The following AKT3 variants were observed in gnomAD, a reference collection of about 807,000 sequenced individuals.
The protein encoded by AKT3 is AKT serine/threonine kinase 3.
In AKT3, 15 loss-of-function variants were observed where a neutral mutation model predicts 65.3. The ratio of observed to expected loss-of-function variants is 0.23; its 90% CI spans 0.15 to 0.35. The LOEUF is 0.35. AKT3 is among the 10% of genes least tolerant of loss of function. AKT3 has a pLI of 1.00. For missense variants in AKT3, 243 were observed against 576.5 expected (o/e 0.42, Z 5.92); for synonymous variants, 206 against 183.8 (o/e 1.12, Z -0.98).
chr1:243,666,104 A>G (rs1443097164), intron 3 of AKT3, among the ~76,000 whole-genome samples: 1 of 152,088 alleles, frequency 6.6e-6, no homozygotes, highest in Admixed American at 6.5e-5. Flanking sequence ...GCTGGGTTCA[A>G]GTGATTGTCA....
chr1:243,788,908 T>C (rs1450614393), intron 2 of AKT3: 1 of 153,228 alleles, frequency 6.5e-6, no homozygotes, highest in African/African-American at 2.4e-5. Context: ...ATACTATTTA[T>C]CCACAGTAAA....
chr1:243,645,926 C>T lies in AKT3; in HGVS notation c.396G>A (p.Glu132=), dbSNP rs1572092065. The change falls in exon 5 of 14, where the codon GAG becomes GAA. Residue 132 remains glutamate, a synonymous_variant. Coordinates refer to ENST00000673466, the MANE Select transcript of AKT3 (RefSeq NM_005465.7). ...TATGATGGGTTGTAGAGGCATCCATCTCTTCCTCTCCTATATTATCAATTT... is the reference window on the plus strand; with the variant it reads ...TATGATGGGTTGTAGAGGCATCCATTTCTTCCTCTCCTATATTATCAATTT... The part of the protein sequence containing the change: ...TSQIDNIGEE[E]MDASTTHHKR... The T allele has an allele frequency of 6.2e-7, 1 of 1,611,664 alleles. No homozygotes were observed.
chr1:243,490,662 G>T (rs1040176457), intron 13 of AKT3, among the ~76,000 whole-genome samples: 1 of 152,256 alleles, frequency 6.6e-6, no homozygotes, highest in African/African-American at 2.4e-5. Context: ...CAGGCGGGAT[G>T]CCCCACGGGC....
intron 2 of AKT3, among the ~76,000 whole-genome samples, chr1:243,748,297 A>G (rs1688600323): frequency 6.6e-6 from 1 of 152,136 alleles, no homozygotes; most frequent in Admixed American, 6.5e-5. Context: ...CTTTATTTCA[A>G]CATGAAGATA....
intron 8 of AKT3, among the ~76,000 whole-genome samples, chr1:243,584,189 A>C (rs886525352): frequency 1.3e-5 from 2 of 152,070 alleles, no homozygotes. Context: ...CTATGTGTCT[A>C]TACATACAAA....
intron 2 of AKT3, among the ~76,000 whole-genome samples, chr1:243,761,396 C>T (rs963413171): frequency 6.6e-6 from 1 of 152,016 alleles, no homozygotes; most frequent in African/African-American, 2.4e-5. Flanking sequence ...AGAAAATAAA[C>T]CCTGACCTAG....
intron 13 of AKT3, among the ~76,000 whole-genome samples, chr1:243,510,888 A>G (rs1669969435): frequency 1.3e-5 from 2 of 152,280 alleles, no homozygotes; most frequent in Admixed American, 6.5e-5. Flanking sequence ...GGAACTGCCC[A>G]TGGGCCGATC....
chr1:243,717,421 T>C (rs1195578419), intron 2 of AKT3, among the ~76,000 whole-genome samples: 1 of 152,150 alleles, frequency 6.6e-6, no homozygotes, highest in Non-Finnish European at 1.5e-5. Flanking sequence ...CCAATGGTCA[T>C]TGTCAGAGAT....
At chr1:243,608,580 T>C (rs1677612561) in intron 8 of AKT3, among the ~76,000 whole-genome samples, 1 of 152,086 alleles carries the variant, frequency 6.6e-6, no homozygotes, top group Admixed American at 6.5e-5. Context: ...CTCAAGTCCT[T>C]AGATGCCATA....
At position 243,787,856 on chromosome 1, in the gene AKT3, C is replaced by T. The variant is rs150797575; in HGVS notation, c.46+55269G>A. On this transcript the variant is annotated intron_variant, in intron 2 of 13. Coordinates refer to ENST00000673466, the MANE Select transcript of AKT3 (RefSeq NM_005465.7). Reference sequence around the variant, plus strand: ...CACAGCTACTGTCCTAGGTGTTCCTCCCACTCCTCTCCTACATTAATCTTC... The same window carrying T: ...CACAGCTACTGTCCTAGGTGTTCCTTCCACTCCTCTCCTACATTAATCTTC... Among the ~76,000 whole-genome samples, 229 of 152,206 alleles carry T rather than the reference C, an allele frequency of 1.5e-3. 1 individual carries two copies. Among genetic ancestry groups the T allele is most frequent in the African/African-American group, 5.3e-3 (221 of 41,520 alleles).
chr1:243,594,219 C>A (rs760590471), intron 8 of AKT3, among the ~76,000 whole-genome samples: 1 of 152,030 alleles, frequency 6.6e-6, no homozygotes, highest in East Asian at 1.9e-4. Flanking sequence ...ATTATACAAA[C>A]CTATACACTA....
chr1:243,755,692 A>C (rs1689091807), intron 2 of AKT3, among the ~76,000 whole-genome samples: 1 of 152,254 alleles, frequency 6.6e-6, no homozygotes, highest in African/African-American at 2.4e-5. Flanking sequence ...TAAGTTTAGA[A>C]AATAGCAAAT....
intron 2 of AKT3, among the ~76,000 whole-genome samples, chr1:243,701,817 C>T (rs374418951): frequency 4.6e-5 from 7 of 152,034 alleles, no homozygotes; most frequent in South Asian, 2.1e-4. Flanking sequence ...ATAAGGAAGA[C>T]GGTGGGAGCA....
chr1:243,543,247 T>C (rs1309120866), intron 12 of AKT3, among the ~76,000 whole-genome samples: 1 of 152,156 alleles, frequency 6.6e-6, no homozygotes, highest in African/African-American at 2.4e-5. Context: ...GCTTCCTTAC[T>C]GGTATACTGG....
intron 12 of AKT3, among the ~76,000 whole-genome samples, chr1:243,541,396 C>A (rs1367750338): frequency 6.6e-6 from 1 of 151,570 alleles, no homozygotes; most frequent in East Asian, 1.9e-4. Context: ...GCTACAGGAC[C>A]CTTCAGCTTG....
rs181974431 is a variant in AKT3, at chr1:243,584,607, C to T, written c.697-11559G>A. ...TAATTCACCATGATCAAGTAGGCATCATTCCTGGGATGCAAGGGTGGTTCA... is the reference window on the plus strand; with the variant it reads ...TAATTCACCATGATCAAGTAGGCATTATTCCTGGGATGCAAGGGTGGTTCA... On this transcript the variant is annotated intron_variant, in intron 8 of 13. Transcript: ENST00000673466. Among the ~76,000 whole-genome samples, 337 of 152,270 alleles carry T rather than the reference C, an allele frequency of 2.2e-3. 3 individuals carry two copies. Among genetic ancestry groups the T allele is most frequent in the African/African-American group, 7.7e-3 (321 of 41,570 alleles).
chr1:243,774,901 C>T (rs1285446407), intron 2 of AKT3, among the ~76,000 whole-genome samples: 2 of 152,172 alleles, frequency 1.3e-5, no homozygotes, highest in African/African-American at 4.8e-5. Context: ...CTTGCTCTGT[C>T]ACCCAGGCTG....
At chr1:243,493,865 C>T (rs560256244) in intron 13 of AKT3, among the ~76,000 whole-genome samples, 1 of 151,658 alleles carries the variant, frequency 6.6e-6, no homozygotes, top group African/African-American at 2.4e-5. Context: ...GGAGGAAAGG[C>T]CCATTGCAAC....
In AKT3 at chr1:243,499,858, C is replaced by T; in HGVS notation, c.*5391G>A. 1.4e-6 allele frequency: 2 copies of T among 1,399,026 alleles called. No homozygotes were observed. The highest frequency in any genetic ancestry group is 3.4e-5 in the Admixed American group (2 of 58,792). The allele number at this position is 1,399,026 out of a possible 1,614,324, so 86.7% of individuals were successfully genotyped here. A position where few individuals can be genotyped will look rare whatever the true frequency, so the allele number is the denominator to read the frequency against. ...ATTCATCTGGTTTAGACTTAATATG[C>T]CACAACGCACCACGACCTTCCCAGG... On this transcript the variant is annotated 3_prime_UTR_variant, in exon 14 of 14. Coordinates refer to ENST00000673466, the MANE Select transcript of AKT3 (RefSeq NM_005465.7).
Sources: gnomAD v4.1 joint callset for allele counts (sites outside exome capture counted in the v4.1 genomes callset) on GRCh38, gnomAD v4.1.1 for gene constraint, MANE v1.5 for transcripts, NCBI Gene and HGNC (gene_info 2026-07-23, HGNC 2026-07-21) for gene names.